Variants in MAN2A1 observed in about 807,000 individuals in gnomAD.
MAN2A1 encodes mannosidase alpha class 2A member 1, also known as alpha-mannosidase 2.
Under a neutral mutation model 142.6 loss-of-function variants are expected in MAN2A1, and 76 were observed. The ratio of observed to expected loss-of-function variants is 0.53; its 90% CI spans 0.44 to 0.65. The LOEUF (loss-of-function observed/expected upper bound fraction) is 0.65. Among genes scored for constraint, MAN2A1 ranks in the 30% least tolerant of loss-of-function variants. The probability of loss-of-function intolerance (pLI) is 0.00; values close to 1 mark genes in which losing one functional copy is unlikely to be tolerated. For synonymous variants in MAN2A1, 559 were observed against 473.2 expected (o/e 1.18, Z -2.35); for missense variants, 1,311 against 1,365.1 (o/e 0.96, Z 0.62).
chr5:109,817,320 T>G lies in MAN2A1; in HGVS notation c.1991T>G (p.Val664Gly). ...TTAGAACAAGACCGAATCTCGTTGGTCTCAGTCTATGTGAGTTCCCCGACA... is the reference window on the plus strand; with the variant it reads ...TTAGAACAAGACCGAATCTCGTTGGGCTCAGTCTATGTGAGTTCCCCGACA... ...NPLEQDRISL[V>G]SVYVSSPTVQ... The change falls in exon 13 of 22, where the codon GTC (valine) becomes GGC (glycine). Residue 664 changes from valine (V) to glycine (G), a missense_variant. Physicochemically the swap from Val to Gly is moderately radical, Grantham distance 109. This residue lies in a region of MAN2A1 where 890 missense variants were observed against 920.5 expected (regional missense o/e 0.97). Transcript: ENST00000261483. The G allele has an allele frequency of 6.2e-7, 1 of 1,614,162 alleles. No individual in the cohort carries two copies. The highest frequency in any genetic ancestry group is 8.5e-7 in the Non-Finnish European group (1 of 1,180,006).
intron 16 of MAN2A1, among the ~76,000 whole-genome samples, chr5:109,829,614 G>T (rs570684355): frequency 6.6e-6 from 1 of 152,254 alleles, no homozygotes; most frequent in Non-Finnish European, 1.5e-5. Flanking sequence ...GAATCATACT[G>T]GTAAAGCTGT....
At chr5:109,776,591 A>G (rs566730067) in intron 8 of MAN2A1, among the ~76,000 whole-genome samples, 2 of 152,294 alleles carry the variant, frequency 1.3e-5, no homozygotes, top group East Asian at 3.9e-4. Context: ...CTACTAGAAC[A>G]GTTTTTTAAA....
chr5:109,736,709 T>C (rs1440088555), intron 4 of MAN2A1, among the ~76,000 whole-genome samples: 1 of 152,170 alleles, frequency 6.6e-6, no homozygotes, highest in Non-Finnish European at 1.5e-5. Flanking sequence ...TCATTTTGAT[T>C]TACTTAATTT....
At chr5:109,732,213 G>A (rs528554846) in intron 4 of MAN2A1, among the ~76,000 whole-genome samples, 2 of 149,846 alleles carry the variant, frequency 1.3e-5, no homozygotes, top group Non-Finnish European at 3.0e-5. Flanking sequence ...GGGGTTGTTT[G>A]TTTTTTTCTT....
At chr5:109,851,580 TGCTCTTGGAATTCCCAGCCTCCAGAA>T (rs1350022933) in intron 19 of MAN2A1, among the ~76,000 whole-genome samples, 2 of 152,212 alleles carry the variant, frequency 1.3e-5, no homozygotes, top group African/African-American at 4.8e-5. Context: ...GCCAGTGCCA[TGCTCTTGGAATTCCCAGCCTCCAGAA>T]CTGTGAGCTG....
intron 12 of MAN2A1, among the ~76,000 whole-genome samples, chr5:109,800,128 G>C (rs1753980128): frequency 6.7e-6 from 1 of 149,684 alleles, no homozygotes; most frequent in South Asian, 2.1e-4. Flanking sequence ...TTCACCTCTA[G>C]ATGCACCCGA....
chr5:109,728,422 C>T lies in MAN2A1; in HGVS notation c.536-920C>T, dbSNP rs562501601. Among the ~76,000 whole-genome samples, 17 of 152,224 alleles carry T rather than the reference C, an allele frequency of 1.1e-4. No homozygotes were observed. In the South Asian group the frequency reaches 2.9e-3, roughly 26 times the overall value. ...GGATATACAGGAACTTCTCCTTATACGATTTTTTAGATGGGAACGGGTTAT... is the reference window on the plus strand; with the variant it reads ...GGATATACAGGAACTTCTCCTTATATGATTTTTTAGATGGGAACGGGTTAT... On this transcript the variant is annotated intron_variant, in intron 3 of 21. Transcript: ENST00000261483.
Position 109,713,570 on chromosome 5 carries a change from A to G in MAN2A1, c.186A>G (p.Leu62=). ...QEKIDHLERL[L]AENNEIISNI... ...AAATAGACCATTTGGAGCGTTTGCT[A>G]GCTGAGAATAATGAGATCATCTCAA... is the stretch of plus-strand genomic sequence containing the variant. The change falls in exon 2 of 22, where the codon CTA becomes CTG. Residue 62 remains leucine (L), a synonymous_variant. Transcript: ENST00000261483. 6.2e-7 allele frequency: 1 copy of G among 1,613,698 alleles called. No homozygotes were observed. The highest frequency in any genetic ancestry group is 8.5e-7 in the Non-Finnish European group (1 of 1,179,572).
intron 16 of MAN2A1, among the ~76,000 whole-genome samples, chr5:109,830,214 C>T (rs564207020): frequency 6.6e-5 from 10 of 152,120 alleles, no homozygotes; most frequent in African/African-American, 2.2e-4. Context: ...TTTTGAAGAC[C>T]CCTCTTATAA....
At chr5:109,726,812 A>G (rs1037736387) in intron 3 of MAN2A1, among the ~76,000 whole-genome samples, 1 of 152,174 alleles carries the variant, frequency 6.6e-6, no homozygotes. Context: ...TTTATTATCA[A>G]ATTAATTTGG....
chr5:109,847,530 A>C (rs1755372279), intron 18 of MAN2A1, 127 bp from the exon 19 acceptor site: 7 of 767,780 alleles, frequency 9.1e-6, no homozygotes, highest in African/African-American at 1.8e-5. Flanking sequence ...GGTTGTATAA[A>C]TCCACCTCCT....
At chr5:109,710,618 C>A (rs767012585) in intron 1 of MAN2A1, among the ~76,000 whole-genome samples, 1 of 151,954 alleles carries the variant, frequency 6.6e-6, no homozygotes, top group African/African-American at 2.4e-5. Context: ...AATTCTTCTG[C>A]GTCAGCCTTC....
At chr5:109,852,147 A>AC (rs199649829) in intron 19 of MAN2A1, among the ~76,000 whole-genome samples, 3,857 of 151,238 alleles carry the variant, frequency 0.026, 85 homozygotes, top group African/African-American at 0.052. Flanking sequence ...TTAAAAACAA[A>AC]AAAAAAAAAA....
intron 4 of MAN2A1, among the ~76,000 whole-genome samples, chr5:109,752,510 G>A (rs191700400): frequency 2.0e-5 from 3 of 152,158 alleles, no homozygotes; most frequent in African/African-American, 7.2e-5. Context: ...CTAATGGTGG[G>A]TAGAGGTCGG....
At chr5:109,821,149 A>G (rs528766444) in intron 15 of MAN2A1, among the ~76,000 whole-genome samples, 5 of 152,106 alleles carry the variant, frequency 3.3e-5, no homozygotes, top group Non-Finnish European at 5.9e-5. Flanking sequence ...CATTGCCAAC[A>G]TTTGGATGTA....
rs185535267 is a variant in MAN2A1, at chr5:109,707,366, A to C, written c.136-6154A>C. Among the ~76,000 whole-genome samples, 3 of 152,266 alleles carry C rather than the reference A, an allele frequency of 2.0e-5. No individual in the cohort carries two copies. The East Asian group carries it at 5.8e-4, about 29-fold the overall frequency. On this transcript the variant is annotated intron_variant, in intron 1 of 21. Transcript: ENST00000261483. ...CATTGAATACTTAGAAAAAAATGTTACATGCCATTTTTCTTTCTTTCCTTC... is the reference window on the plus strand; with the variant it reads ...CATTGAATACTTAGAAAAAAATGTTCCATGCCATTTTTCTTTCTTTCCTTC...
At chr5:109,860,845 T>A (rs1042951273) in intron 20 of MAN2A1, among the ~76,000 whole-genome samples, 5 of 152,226 alleles carry the variant, frequency 3.3e-5, no homozygotes, top group Non-Finnish European at 7.3e-5. Context: ...TTGATATATT[T>A]TTTGATAAGT....
At chr5:109,769,780 A>C (rs1276958068) in intron 6 of MAN2A1, among the ~76,000 whole-genome samples, 1 of 152,144 alleles carries the variant, frequency 6.6e-6, no homozygotes, top group Non-Finnish European at 1.5e-5. Flanking sequence ...ATTCTTGGTA[A>C]ACATGGGGTG....
chr5:109,817,166 A>G, intron 12 of MAN2A1, 107 bp from the exon 13 acceptor site: 2 of 1,019,424 alleles, frequency 2.0e-6, no homozygotes, highest in South Asian at 3.3e-5. Flanking sequence ...ACGCTATCTC[A>G]AAAATATATA....
Sources: allele counts gnomAD v4.1 joint callset (sites outside exome capture counted in the v4.1 genomes callset), GRCh38; gene constraint gnomAD v4.1.1; regional missense constraint gnomAD v4.1.1; transcripts MANE v1.5; gene names NCBI Gene and HGNC (gene_info 2026-07-23, HGNC 2026-07-21).